Variants in TBC1D5 observed in about 807,000 individuals in gnomAD.
The protein encoded by TBC1D5 is TBC1 domain family, member 5.
A neutral mutation model predicts 100.3 loss-of-function variants in TBC1D5; 75 were observed. The ratio of observed to expected loss-of-function variants is 0.75; its 90% CI spans 0.62 to 0.91. The LOEUF (loss-of-function observed/expected upper bound fraction) is 0.91. Ranked by LOEUF, TBC1D5 falls within the 40% of genes least tolerant of loss-of-function variation. The pLI is 0.00. For missense variants in TBC1D5, 910 were observed against 942.4 expected, an observed-to-expected ratio of 0.97 and a Z score of 0.45; for synonymous variants, 323 against 325.6, an observed-to-expected ratio of 0.99 and a Z score of 0.09.
chr3:17,466,868 G>A (rs1196629543), intron 3 of TBC1D5, among the ~76,000 whole-genome samples: 2 of 151,836 alleles, frequency 1.3e-5, no homozygotes, highest in Non-Finnish European at 2.9e-5. Context: ...AAAAAATCAG[G>A]ATTGGAAACT....
chr3:17,634,462 A>G (rs1174544153), intron 1 of TBC1D5, among the ~76,000 whole-genome samples: 2 of 152,188 alleles, frequency 1.3e-5, no homozygotes, highest in African/African-American at 2.4e-5. Context: ...GTTAACTGAA[A>G]TAAGTCGGGC....
chr3:17,651,323 C>G (rs6807020), intron 1 of TBC1D5, among the ~76,000 whole-genome samples: 75,914 of 151,982 alleles, frequency 0.5, 20,532 homozygotes, highest in East Asian at 0.94. Flanking sequence ...AACAGCTTTA[C>G]GATCAATAAG....
In TBC1D5 at chr3:17,717,030, C is replaced by T. The variant is rs575154561; in HGVS notation, c.-101+22313G>A. ...AATTCTAGGCATTTTATGTAAATCACTTCATTTTATGTAAAACTCTCAGAG... is the reference window on the plus strand; with the variant it reads ...AATTCTAGGCATTTTATGTAAATCATTTCATTTTATGTAAAACTCTCAGAG... On this transcript the variant is annotated intron_variant, in intron 1 of 21. Transcript: ENST00000253692. Among the ~76,000 whole-genome samples the T allele has an allele frequency of 3.0e-4, 46 of 152,190 alleles. 2 individuals are homozygous for T. The South Asian group carries it at 9.5e-3, about 32-fold the overall frequency.
intron 8 of TBC1D5, among the ~76,000 whole-genome samples, chr3:17,394,084 A>G (rs114903226): frequency 0.011 from 1,602 of 152,250 alleles, 25 homozygotes; most frequent in African/African-American, 0.036. Flanking sequence ...AACATCCTAC[A>G]GTGCGCAAAA....
chr3:17,614,633 T>C (rs1299642568), intron 2 of TBC1D5, among the ~76,000 whole-genome samples: 3 of 152,226 alleles, frequency 2.0e-5, no homozygotes, highest in Admixed American at 6.5e-5. Flanking sequence ...CTAGGTATTT[T>C]ATTCCCTTGG....
At chr3:17,706,099 T>A in intron 1 of TBC1D5, 1 of 1,605,798 alleles carries the variant, frequency 6.2e-7, no homozygotes, top group South Asian at 1.1e-5. Context: ...GCCTCCAGCT[T>A]GCCCTCGAAG....
chr3:17,188,355 T>C (rs1293224138), intron 18 of TBC1D5, among the ~76,000 whole-genome samples: 1 of 152,174 alleles, frequency 6.6e-6, no homozygotes, highest in Non-Finnish European at 1.5e-5. Context: ...AAAACCCAAG[T>C]AGATCTTGAT....
intron 21 of TBC1D5, among the ~76,000 whole-genome samples, chr3:17,163,600 C>T (rs2066303008): frequency 6.6e-6 from 1 of 152,194 alleles, no homozygotes; most frequent in Non-Finnish European, 1.5e-5. Flanking sequence ...ATCCCTCTTA[C>T]CCGCTTCCTG....
chr3:17,243,830 C>T (rs2076509168), intron 16 of TBC1D5, among the ~76,000 whole-genome samples: 1 of 152,070 alleles, frequency 6.6e-6, no homozygotes, highest in South Asian at 2.1e-4. Flanking sequence ...TGCATTAATA[C>T]TAGATGAGTC....
At chr3:17,272,652 AG>A (rs2079552842) in intron 15 of TBC1D5, among the ~76,000 whole-genome samples, 1 of 152,232 alleles carries the variant, frequency 6.6e-6, no homozygotes, top group Non-Finnish European at 1.5e-5. Context: ...TGAGATGGTA[AG>A]GGAACAGCCA....
intron 2 of TBC1D5, among the ~76,000 whole-genome samples, chr3:17,600,690 C>T (rs2060874301): frequency 6.6e-6 from 1 of 151,972 alleles, no homozygotes; most frequent in African/African-American, 2.4e-5. Context: ...GGGGTCATAA[C>T]TTTTTTTCTT....
intron 2 of TBC1D5, among the ~76,000 whole-genome samples, chr3:17,573,624 G>T (rs1450079823): frequency 6.6e-6 from 1 of 151,974 alleles, no homozygotes; most frequent in Non-Finnish European, 1.5e-5. Context: ...ACTACTTGCA[G>T]TTCCTCAATA....
chr3:17,417,780 A>G (rs929515455), intron 4 of TBC1D5, among the ~76,000 whole-genome samples: 7 of 152,134 alleles, frequency 4.6e-5, no homozygotes, highest in Non-Finnish European at 8.8e-5. Flanking sequence ...GACTTCCACA[A>G]TGGTTGAACT....
At chr3:17,556,955 T>C (rs1159954966) in intron 2 of TBC1D5, among the ~76,000 whole-genome samples, 1 of 151,960 alleles carries the variant, frequency 6.6e-6, no homozygotes, top group Non-Finnish European at 1.5e-5. Context: ...AAAGTCAGAG[T>C]AGGAAAAGCC....
chr3:17,582,449 T>TC (rs2096704573), intron 2 of TBC1D5, among the ~76,000 whole-genome samples: 1 of 152,088 alleles, frequency 6.6e-6, no homozygotes, highest in African/African-American at 2.4e-5. Flanking sequence ...AAGTTGTAGT[T>TC]AAAGGAATCT....
Position 17,161,226 on chromosome 3 carries a change from T to TATC in TBC1D5, c.2122_2124dup (p.Asp708dup), listed in dbSNP as rs771036241. The TATC allele has an allele frequency of 2.2e-5, 36 of 1,613,910 alleles. No individual in the cohort carries two copies. The Middle Eastern group carries it at 1.6e-3, about 74-fold the overall frequency. ...AGGATGAAGTCATCGGAATTCCCTC[T>TATC]ATCAGTGCACCCTGGCGTTTCTGAA... On this transcript the variant is annotated inframe_insertion, in exon 22 of 22. Coordinates refer to ENST00000253692, the Ensembl canonical transcript of TBC1D5.
intron 16 of TBC1D5, among the ~76,000 whole-genome samples, chr3:17,243,552 A>T (rs1185281215): frequency 6.6e-6 from 1 of 152,184 alleles, no homozygotes; most frequent in Non-Finnish European, 1.5e-5. Context: ...AAAAGACTAA[A>T]AAATTTGCAA....
chr3:17,180,696 CACTT>C (rs1434619486), intron 19 of TBC1D5, among the ~76,000 whole-genome samples: 1 of 152,066 alleles, frequency 6.6e-6, no homozygotes, highest in Non-Finnish European at 1.5e-5. Flanking sequence ...TGCATGTTCT[CACTT>C]ACAAGTGGGA....
chr3:17,597,900 T>C (rs1040537566), intron 2 of TBC1D5, among the ~76,000 whole-genome samples: 7 of 152,154 alleles, frequency 4.6e-5, no homozygotes, highest in Non-Finnish European at 1.0e-4. Context: ...TGATGCCAAC[T>C]AGGTAACCTC....
Sources: allele counts gnomAD v4.1 joint callset (sites outside exome capture counted in the v4.1 genomes callset), GRCh38; gene constraint gnomAD v4.1.1; transcripts MANE v1.5; gene names NCBI Gene and HGNC (gene_info 2026-07-23, HGNC 2026-07-21).